Variants in NCR1 observed in about 807,000 individuals in gnomAD.
NCR1 encodes the protein natural cytotoxicity triggering receptor 1, also known as NK cell-activating receptor.
NCR1 carries 30 observed loss-of-function variants against 32.5 expected under a neutral mutation model. The observed-to-expected ratio is 0.92, with a 90% CI of 0.69 to 1.25. NCR1 has a LOEUF of 1.25. Among genes scored for constraint, NCR1 ranks in the 50% most tolerant of loss-of-function variants. The pLI, the probability that NCR1 is intolerant of heterozygous loss-of-function variation, is 0.00. For synonymous variants in NCR1, 169 were observed against 143.4 expected (o/e 1.18, Z -1.28); for missense variants, 369 against 380.7 (o/e 0.97, Z 0.26).
rs772955813 is a variant in NCR1 at position 54,909,225 on chromosome 19, G to A, written c.356-20G>A. 11 of 1,597,694 alleles carry A rather than the reference G, an allele frequency of 6.9e-6. No homozygotes were observed. The Admixed American group carries it at 1.9e-4, about 27-fold the overall frequency. On this transcript the variant is annotated intron_variant, in intron 3 of 6. Transcript: ENST00000291890. The stretch of plus-strand genomic sequence containing the variant: ...CTCATCACTGAGTTTCTGGTGTGGT[G>A]GCCCCACCTTCTCTCATAGAAATGT...
chr19:54,898,648 T>G, the NCR1 span, among the ~76,000 whole-genome samples: 3 of 152,164 alleles, frequency 2.0e-5, no homozygotes, highest in African/African-American at 7.2e-5. Flanking sequence ...TAAGACGGCC[T>G]TTTGACTTAG....
Position 54,912,989 on chromosome 19 carries a change from A to G in NCR1, c.*118A>G. On this transcript the variant is annotated 3_prime_UTR_variant, in exon 7 of 7. Transcript: ENST00000291890. ...GGAGTCACTGCAGGGAAAGAGGGAC[A>G]CTGGCATTCCATTTGTCAGAGCATC... 3 of 905,100 alleles carry G rather than the reference A, an allele frequency of 3.3e-6. No homozygotes were observed. The highest frequency in any genetic ancestry group is 1.8e-5 in the South Asian group (1 of 55,862). 56.1% of individuals were successfully genotyped at this position (905,100 alleles called of 1,614,324 possible).
At chr19:54,904,531 C>CTTTTCTTTTTTTTTTTTTTTT (rs1221694096), upstream of NCR1, among the ~76,000 whole-genome samples, 262 of 118,858 alleles carry the variant, frequency 2.2e-3, 2 homozygotes, top group Admixed American at 4.0e-3. Flanking sequence ...GTTTTCTTTT[C>CTTTTCTTTTTTTTTTTTTTTT]TTTTTTTTTT....
the NCR1 span, among the ~76,000 whole-genome samples, chr19:54,926,205 G>GGTGGGTGTGT: frequency 2.1e-5 from 3 of 143,642 alleles, no homozygotes; most frequent in South Asian, 2.2e-4. Flanking sequence ...AATGATTAGG[G>GGTGGGTGTGT]GTGTGTGTGT....
chr19:54,928,504 A>G, the NCR1 span, among the ~76,000 whole-genome samples: 1 of 152,192 alleles, frequency 6.6e-6, no homozygotes, highest in Admixed American at 6.6e-5. Context: ...TTTTAGTGAC[A>G]GCAGACATCT....
chr19:54,918,541 T>C (rs1363401973), downstream of NCR1, among the ~76,000 whole-genome samples: 1 of 152,066 alleles, frequency 6.6e-6, no homozygotes, highest in Non-Finnish European at 1.5e-5. Context: ...CCCAAAGTGA[T>C]GAGATTACAG....
chr19:54,923,374 C>T, the NCR1 span: 1 of 355,972 alleles, frequency 2.8e-6, no homozygotes, highest in Non-Finnish European at 5.4e-6. Context: ...CACATGGCGC[C>T]TGAGTTAGGG....
chr19:54,927,555 C>CA, the NCR1 span: 6 of 1,545,204 alleles, frequency 3.9e-6, no homozygotes, highest in African/African-American at 4.8e-5. Flanking sequence ...GACTCCATCT[C>CA]AAAAAAACAA....
At chr19:54,916,040 A>G (rs2068124989), downstream of NCR1, 2 of 151,364 alleles carry the variant, frequency 1.3e-5, no homozygotes, top group African/African-American at 4.8e-5. Flanking sequence ...AAAGACCCAA[A>G]GTACAGCGAG....
At chr19:54,901,788 C>T (rs1013680521), upstream of NCR1, among the ~76,000 whole-genome samples, 4 of 151,950 alleles carry the variant, frequency 2.6e-5, no homozygotes, top group African/African-American at 4.8e-5. Context: ...GCCAACTTGA[C>T]GAAACCCCAT....
chr19:54,907,947 G>A (rs886540231), intron 3 of NCR1, among the ~76,000 whole-genome samples: 3 of 151,800 alleles, frequency 2.0e-5, no homozygotes, highest in Non-Finnish European at 4.4e-5. Flanking sequence ...CTTGTTTGGA[G>A]GTTCTGGCAG....
In NCR1 at chr19:54,908,648, C is replaced by T. The variant is rs1182576198; in HGVS notation, c.356-597C>T. Among the ~76,000 whole-genome samples, 10 of 123,048 alleles carry T rather than the reference C, an allele frequency of 8.1e-5. 1 individual carries two copies. The East Asian group carries it at 9.6e-4, about 12-fold the overall frequency. The allele number at this position is 123,048 out of a possible 152,430, so 80.7% of individuals were successfully genotyped here. A position where few individuals can be genotyped will look rare whatever the true frequency, so the allele number is the denominator to read the frequency against. On this transcript the variant is annotated intron_variant, in intron 3 of 6. Coordinates refer to ENST00000291890, the MANE Select transcript of NCR1 (RefSeq NM_004829.7). ...CAACCTCCCGGACGGGGCGGCTGGC[C>T]GGGGCTTTTTTTTTTTTTTTTGAGA...
chr19:54,919,716 C>A (rs1397807331), downstream of NCR1, among the ~76,000 whole-genome samples: 18 of 130,848 alleles, frequency 1.4e-4, no homozygotes, highest in African/African-American at 2.0e-4. Flanking sequence ...AAAGGGAGAC[C>A]CCCCCCCCCA....
At chr19:54,920,212 A>G (rs990905499), downstream of NCR1, among the ~76,000 whole-genome samples, 2 of 152,066 alleles carry the variant, frequency 1.3e-5, no homozygotes, top group African/African-American at 4.8e-5. Flanking sequence ...CATCTTTGCA[A>G]TTGTGAATGG....
At chr19:54,936,919 GA>G in the NCR1 span, among the ~76,000 whole-genome samples, 9 of 139,354 alleles carry the variant, frequency 6.5e-5, no homozygotes, top group African/African-American at 1.6e-4. Flanking sequence ...CATCTCAAAA[GA>G]AAAAAAAATT....
At chr19:54,919,579 C>T (rs998757980), downstream of NCR1, among the ~76,000 whole-genome samples, 8 of 152,060 alleles carry the variant, frequency 5.3e-5, no homozygotes, top group South Asian at 2.1e-4. Context: ...GGACTAGGAG[C>T]GTGACCACCG....
the NCR1 span, among the ~76,000 whole-genome samples, chr19:54,932,877 G>C: frequency 2.0e-5 from 3 of 151,860 alleles, no homozygotes; most frequent in Admixed American, 6.6e-5. Context: ...GGCTGGTCTC[G>C]AACCTTAGGT....
Position 54,906,226 on chromosome 19 carries a change from G to A in NCR1, c.34+5G>A. On this transcript the variant is annotated splice_donor_5th_base_variant and intron_variant, in intron 1 of 6. Coordinates refer to ENST00000291890, the MANE Select transcript of NCR1 (RefSeq NM_004829.7). ...TCCCTGCCCTGCTCTGCGTCGGTGA[G>A]TTCTGGCGTGGAAGGGGAATGGGAT... 6.2e-7 allele frequency: 1 copy of A among 1,614,236 alleles called. No individual in the cohort carries two copies. The highest frequency in any genetic ancestry group is 1.1e-5 in the South Asian group (1 of 91,088).
At chr19:54,908,489 A>G (rs2146050848) in intron 3 of NCR1, among the ~76,000 whole-genome samples, 1 of 152,108 alleles carries the variant, frequency 6.6e-6, no homozygotes, top group East Asian at 1.9e-4. Context: ...CCCGTTCTCA[A>G]TGAGCTGTTG....
Sources: gnomAD v4.1 joint callset for allele counts (sites outside exome capture counted in the v4.1 genomes callset) on GRCh38, gnomAD v4.1.1 for gene constraint, MANE v1.5 for transcripts, NCBI Gene and HGNC (gene_info 2026-07-23, HGNC 2026-07-21) for gene names.